The following BOLL variants were observed in gnomAD, a reference collection of about 807,000 sequenced individuals.
The protein encoded by BOLL is boule RNA binding protein, also known as protein boule-like.
A neutral mutation model predicts 44.4 loss-of-function variants in BOLL; 23 were observed. The observed-to-expected ratio is 0.52, with a 90% CI of 0.37 to 0.73. BOLL has a LOEUF of 0.73. BOLL is among the 30% of genes least tolerant of loss of function. The pLI is 0.00. For missense variants in BOLL, 287 were observed against 338.3 expected, an observed-to-expected ratio of 0.85 and a Z score of 1.19; for synonymous variants, 97 against 110.8, an observed-to-expected ratio of 0.88 and a Z score of 0.78.
intron 9 of BOLL, among the ~76,000 whole-genome samples, chr2:197,743,765 T>C (rs892135128): frequency 8.5e-5 from 13 of 152,168 alleles, no homozygotes; most frequent in Non-Finnish European, 1.6e-4. Context: ...TTAAATATTA[T>C]CATATAAAAG....
intron 10 of BOLL, among the ~76,000 whole-genome samples, chr2:197,732,464 G>A (rs1416156235): frequency 6.6e-6 from 1 of 152,022 alleles, no homozygotes; most frequent in Non-Finnish European, 1.5e-5. Context: ...ATTTTATGAG[G>A]CCAGCATCAT....
intron 9 of BOLL, among the ~76,000 whole-genome samples, chr2:197,753,885 C>G (rs1688379566): frequency 6.6e-6 from 1 of 152,074 alleles, no homozygotes; most frequent in Non-Finnish European, 1.5e-5. Flanking sequence ...TGGAACCAAC[C>G]CAAATGCCCA....
chr2:197,757,332 A>G, intron 8 of BOLL, 21 bp downstream of exon 8: 1 of 1,588,872 alleles, frequency 6.3e-7, no homozygotes, highest in African/African-American at 1.3e-5. Flanking sequence ...TTAAAATTAT[A>G]TATTGAAAGT....
chr2:197,758,512 G>T (rs1688614947), intron 7 of BOLL, among the ~76,000 whole-genome samples: 2 of 152,168 alleles, frequency 1.3e-5, no homozygotes, highest in South Asian at 4.1e-4. Flanking sequence ...ACTGGGATAA[G>T]GGGAAAAAGA....
chr2:197,774,339 C>T (rs1054457919), intron 5 of BOLL: 2 of 154,208 alleles, frequency 1.3e-5, no homozygotes, highest in Non-Finnish European at 1.4e-5. Context: ...GGTTAGGAAC[C>T]ACAACATGCC....
intron 10 of BOLL, among the ~76,000 whole-genome samples, chr2:197,739,477 G>C (rs1420039657): frequency 6.6e-6 from 1 of 151,798 alleles, no homozygotes; most frequent in East Asian, 1.9e-4. Context: ...CACTATAGGG[G>C]TGCACCACCA....
intron 7 of BOLL, among the ~76,000 whole-genome samples, chr2:197,762,748 T>A (rs769549972): frequency 3.3e-5 from 5 of 152,136 alleles, no homozygotes; most frequent in Non-Finnish European, 7.4e-5. Flanking sequence ...GAGGCAAATT[T>A]ATAACAATGA....
intron 7 of BOLL, among the ~76,000 whole-genome samples, chr2:197,764,290 G>C (rs1356248696): frequency 6.6e-6 from 1 of 152,090 alleles, no homozygotes; most frequent in African/African-American, 2.4e-5. Flanking sequence ...ATCAACCTGG[G>C]TGTCCAACAA....
chr2:197,737,999 T>G (rs1687573590), intron 10 of BOLL, among the ~76,000 whole-genome samples: 1 of 152,138 alleles, frequency 6.6e-6, no homozygotes, highest in Non-Finnish European at 1.5e-5. Flanking sequence ...TTAATCCATA[T>G]AAGAACAATT....
chr2:197,743,001 T>G, intron 10 of BOLL, 60 bp downstream of exon 10: 1 of 1,333,610 alleles, frequency 7.5e-7, no homozygotes, highest in Non-Finnish European at 1.0e-6. Context: ...AAGAGAAAGT[T>G]GGAAAACTTG....
intron 7 of BOLL, among the ~76,000 whole-genome samples, chr2:197,761,573 TAAATAAAATGA>T (rs1688760128): frequency 6.6e-6 from 1 of 152,006 alleles, no homozygotes; most frequent in Non-Finnish European, 1.5e-5. Context: ...CAGAAAATGA[TAAATAAAATGA>T]CAGGATGTCC....
intron 10 of BOLL, among the ~76,000 whole-genome samples, chr2:197,735,571 T>A (rs1303044181): frequency 6.6e-6 from 1 of 152,294 alleles, no homozygotes; most frequent in East Asian, 1.9e-4. Flanking sequence ...TTTAGACGAC[T>A]GTACTGATGT....
chr2:197,748,336 G>T (rs1303002763), intron 9 of BOLL, among the ~76,000 whole-genome samples: 1 of 152,024 alleles, frequency 6.6e-6, no homozygotes, highest in Non-Finnish European at 1.5e-5. Flanking sequence ...TAGCTACAGG[G>T]TTTTTTTTGT....
At chr2:197,738,443 T>C (rs1687593042) in intron 10 of BOLL, among the ~76,000 whole-genome samples, 1 of 152,154 alleles carries the variant, frequency 6.6e-6, no homozygotes, top group Admixed American at 6.6e-5. Flanking sequence ...ATTAGTATTA[T>C]ATTAATCTAG....
intron 7 of BOLL, among the ~76,000 whole-genome samples, chr2:197,758,008 A>C (rs1262093198): frequency 6.6e-6 from 1 of 152,214 alleles, no homozygotes; most frequent in African/African-American, 2.4e-5. Context: ...GTAGATCATA[A>C]ATGTTGACGG....
At chr2:197,738,359 G>A (rs1215225946) in intron 10 of BOLL, among the ~76,000 whole-genome samples, 2 of 152,074 alleles carry the variant, frequency 1.3e-5, no homozygotes, top group Non-Finnish European at 1.5e-5. Flanking sequence ...GGGTTCAGGT[G>A]TGAGTTACCA....
At position 197,729,375 on chromosome 2, in the gene BOLL, G is replaced by C. The variant is rs535860996; in HGVS notation, c.829-797C>G. On this transcript the variant is annotated intron_variant, in intron 10 of 10. Transcript: ENST00000392296. ...TCTGAGCTCTAACTGCAAGGCGGCA[G>C]CGAGGCTGGGGGAGGGGCGCCCGCC... Among the ~76,000 whole-genome samples the C allele has an allele frequency of 5.9e-5, 9 of 152,314 alleles. No individual in the cohort carries two copies. In the East Asian group the frequency reaches 1.7e-3, roughly 29 times the overall value.
chr2:197,786,162 C>T, upstream of BOLL: 1 of 1,136,786 alleles, frequency 8.8e-7, no homozygotes, highest in Non-Finnish European at 1.2e-6. This position sits in a 1 kb window ranked among gnomAD's most constrained non-coding sequence, Gnocchi z 5.9. Flanking sequence ...GGCTCGGACC[C>T]CGGCCCTGAA....
chr2:197,764,589 C>T (rs1208571275), intron 7 of BOLL, among the ~76,000 whole-genome samples: 1 of 152,158 alleles, frequency 6.6e-6, no homozygotes, highest in African/African-American at 2.4e-5. Flanking sequence ...GTCTTTTTCA[C>T]TGCCTTCCAA....
Sources: gnomAD v4.1 joint callset for allele counts (sites outside exome capture counted in the v4.1 genomes callset) on GRCh38, gnomAD v4.1.1 for gene constraint, Gnocchi (gnomAD v3.1) non-coding constraint, MANE v1.5 for transcripts, NCBI Gene and HGNC (gene_info 2026-07-23, HGNC 2026-07-21) for gene names.